Variants in GRK4 observed in about 807,000 individuals in gnomAD.
GRK4 encodes the protein G protein-coupled receptor kinase 4, also known as G protein-coupled receptor kinase 2-like.
In GRK4, 73 loss-of-function variants were observed where a neutral mutation model predicts 77.9. The ratio of observed to expected loss-of-function variants is 0.94; its 90% CI spans 0.78 to 1.14. The LOEUF (loss-of-function observed/expected upper bound fraction) is 1.14, where lower values mean the gene tolerates loss of function less well. Ranked by LOEUF, GRK4 falls within the 50% of genes most tolerant of loss-of-function variation. GRK4 has a pLI of 0.00. For missense variants in GRK4, 729 were observed against 700.2 expected, an observed-to-expected ratio of 1.04 and a Z score of -0.46; for synonymous variants, 257 against 254.4, an observed-to-expected ratio of 1.01 and a Z score of -0.10.
chr4:2,986,182 T>C, intron 2 of GRK4, among the ~76,000 whole-genome samples: 1 of 151,996 alleles, frequency 6.6e-6, no homozygotes, highest in Non-Finnish European at 1.5e-5. Context: ...TTGTGATGCC[T>C]TTGCTAATAC....
intron 1 of GRK4, among the ~76,000 whole-genome samples, chr4:2,983,328 C>T (rs945671490): frequency 9.2e-5 from 14 of 152,186 alleles, no homozygotes; most frequent in Non-Finnish European, 1.6e-4. Flanking sequence ...GAGTCTTAGT[C>T]ACCCAGCCTA....
At chr4:3,011,949 G>A (rs914818038) in intron 7 of GRK4, among the ~76,000 whole-genome samples, 1 of 152,180 alleles carries the variant, frequency 6.6e-6, no homozygotes, top group Non-Finnish European at 1.5e-5. Flanking sequence ...GGGCAGACCC[G>A]AGGTCAGGGT....
chr4:2,967,818 C>T (rs1014158701), intron 1 of GRK4, among the ~76,000 whole-genome samples: 3 of 150,468 alleles, frequency 2.0e-5, no homozygotes, highest in Non-Finnish European at 4.4e-5. Flanking sequence ...TCGTTTTGCT[C>T]TTGTTGCCCA....
In GRK4 at chr4:2,983,418, T is replaced by C. The variant is rs141828405; in HGVS notation, c.53-1095T>C. Among the ~76,000 whole-genome samples the C allele has an allele frequency of 1.0e-3, 152 of 152,360 alleles. 1 individual carries two copies. The highest frequency in any genetic ancestry group is 3.4e-3 in the Admixed American group (52 of 15,308). Reference sequence around the variant, plus strand: ...TTGAGATTGAAGATGCTCATTTCTCTGAGTTGAATTAAAGAAAAAATGGTG... The same window carrying C: ...TTGAGATTGAAGATGCTCATTTCTCCGAGTTGAATTAAAGAAAAAATGGTG... On this transcript the variant is annotated intron_variant, in intron 1 of 15. Transcript: ENST00000398052.
intron 1 of GRK4, among the ~76,000 whole-genome samples, chr4:2,983,030 G>T (rs1373691907): frequency 6.6e-6 from 1 of 152,210 alleles, no homozygotes; most frequent in Non-Finnish European, 1.5e-5. Context: ...TTGTGGTGTG[G>T]GACGTGAGTC....
At chr4:3,024,160 C>T (rs928519623) in intron 10 of GRK4, among the ~76,000 whole-genome samples, 4 of 152,200 alleles carry the variant, frequency 2.6e-5, no homozygotes, top group South Asian at 2.1e-4. Flanking sequence ...AAGGCACTCC[C>T]GGGTGGGATG....
At chr4:2,997,991 T>C (rs1728444400) in intron 4 of GRK4, among the ~76,000 whole-genome samples, 1 of 152,124 alleles carries the variant, frequency 6.6e-6, no homozygotes, top group Non-Finnish European at 1.5e-5. Context: ...TCACCACTTC[T>C]GTTCAACTAG....
At chr4:2,988,538 T>C (rs1266593552) in intron 2 of GRK4, among the ~76,000 whole-genome samples, 189 bp from the exon 3 acceptor site, 3 of 151,692 alleles carry the variant, frequency 2.0e-5, no homozygotes, top group Non-Finnish European at 4.4e-5. Context: ...ACCGCTGCCC[T>C]CCAGCCTGGG....
intron 4 of GRK4, among the ~76,000 whole-genome samples, chr4:3,000,785 G>T (rs916995258): frequency 8.6e-5 from 13 of 151,900 alleles, no homozygotes; most frequent in Middle Eastern, 3.2e-3. Flanking sequence ...GGCCAGGATG[G>T]TCTCGATCTC....
intron 1 of GRK4, among the ~76,000 whole-genome samples, chr4:2,981,797 G>A (rs773491334): frequency 8.5e-5 from 13 of 152,234 alleles, no homozygotes; most frequent in Non-Finnish European, 1.8e-4. Context: ...TTCTACCCAG[G>A]AGCCTGTCTG....
At chr4:2,967,700 G>T (rs939906944) in intron 1 of GRK4, among the ~76,000 whole-genome samples, 2 of 151,876 alleles carry the variant, frequency 1.3e-5, no homozygotes, top group Admixed American at 6.6e-5. Context: ...CACCCGGCCC[G>T]TATTGGGTTT....
chr4:3,008,161 T>A (rs956999256), intron 6 of GRK4, among the ~76,000 whole-genome samples: 1 of 152,278 alleles, frequency 6.6e-6, no homozygotes. Context: ...GAAATTTTCA[T>A]AGGTATTAGT....
At chr4:3,014,406 C>T (rs146907355) in intron 8 of GRK4, among the ~76,000 whole-genome samples, 2 of 151,492 alleles carry the variant, frequency 1.3e-5, no homozygotes, top group African/African-American at 2.4e-5. Context: ...AAGTGATCCT[C>T]CTACCTCAGC....
In GRK4 at chr4:3,019,672, A is replaced by G; in HGVS notation, c.773A>G (p.Asp258Gly). The G allele has an allele frequency of 6.2e-7, 1 of 1,613,922 alleles. No individual in the cohort carries two copies. Reference sequence around the variant, plus strand: ...TTAGCCTACGCTTATGAAACCAAAGATGCCTTGTGCTTGGTGCTCACCATT... The same window carrying G: ...TTAGCCTACGCTTATGAAACCAAAGGTGCCTTGTGCTTGGTGCTCACCATT... ...VSLAYAYETK[D>G]ALCLVLTIMN... The change falls in exon 9 of 16, where the codon GAT (aspartate) becomes GGT (glycine). Residue 258 changes from aspartate (D) to glycine (G), a missense_variant. Transcript: ENST00000398052.
In GRK4 at chr4:3,037,362, C is replaced by T; in HGVS notation, c.1408-12C>T. On this transcript the variant is annotated splice_polypyrimidine_tract_variant and intron_variant, in intron 13 of 15. Coordinates refer to ENST00000398052, the MANE Select transcript of GRK4 (RefSeq NM_182982.3). ...AGTCATCTCAGAGGCTGCCCCTGTT[C>T]TTGCTACACAGCCTCATGCCGTTTA... 6.4e-7 allele frequency: 1 copy of T among 1,572,802 alleles called. No homozygotes were observed.
At position 2,964,063 on chromosome 4, in the gene GRK4, G is replaced by A. The variant is rs762039266; in HGVS notation, c.-8G>A. 3 of 1,608,550 alleles carry A rather than the reference G, an allele frequency of 1.9e-6. No homozygotes were observed. The African/African-American group carries it at 4.0e-5, about 21-fold the overall frequency. ...CGCAGAATCCGCCGGCGGCGGCGGC[G>A]CCAGGACATGGAGCTCGAGAACATC... On this transcript the variant is annotated 5_prime_UTR_variant, in exon 1 of 16. Transcript: ENST00000398052.
intron 1 of GRK4, 88 bp downstream of exon 1, chr4:2,964,210 C>T (rs1484250754): frequency 4.5e-6 from 5 of 1,100,234 alleles, no homozygotes; most frequent in African/African-American, 3.1e-5. Flanking sequence ...ACCCGACATC[C>T]CCGGAGAACC....
intron 1 of GRK4, among the ~76,000 whole-genome samples, chr4:2,973,100 C>G (rs772731895): frequency 6.6e-6 from 1 of 152,194 alleles, no homozygotes; most frequent in Non-Finnish European, 1.5e-5. Context: ...CTCACCTCCA[C>G]CACCTCACCA....
intron 1 of GRK4, among the ~76,000 whole-genome samples, chr4:2,979,613 T>A (rs1722272753): frequency 6.6e-6 from 1 of 152,160 alleles, no homozygotes; most frequent in African/African-American, 2.4e-5. Flanking sequence ...CTCAGGAGGC[T>A]GAGCCAGGAG....
Sources: allele counts gnomAD v4.1 joint callset (sites outside exome capture counted in the v4.1 genomes callset), GRCh38; gene constraint gnomAD v4.1.1; transcripts MANE v1.5; gene names NCBI Gene and HGNC (gene_info 2026-07-23, HGNC 2026-07-21).